Variants in PLPPR1 observed in about 807,000 individuals in gnomAD.
PLPPR1 encodes phospholipid phosphatase-related protein type 1.
A neutral mutation model predicts 33.1 loss-of-function variants in PLPPR1; 10 were observed. The ratio of observed to expected loss-of-function variants is 0.30; its 90% confidence interval spans 0.19 to 0.51. PLPPR1 has a LOEUF of 0.51. Among genes scored for constraint, PLPPR1 ranks in the 20% least tolerant of loss-of-function variants. The pLI is 0.97. For missense variants in PLPPR1, 304 were observed against 408.1 expected (o/e 0.74, Z 2.20); for synonymous variants, 151 against 151.0 (o/e 1.00, Z 0.00).
intron 4 of PLPPR1, among the ~76,000 whole-genome samples, chr9:101,295,825 G>T (rs1170374718): frequency 6.6e-6 from 1 of 151,370 alleles, no homozygotes; most frequent in African/African-American, 2.4e-5. Context: ...AGACTTAAAC[G>T]TTAGACCTAA....
At chr9:101,031,573 GA>G (rs907831662) in intron 1 of PLPPR1, among the ~76,000 whole-genome samples, 1 of 152,052 alleles carries the variant, frequency 6.6e-6, no homozygotes, top group Non-Finnish European at 1.5e-5. Context: ...GGAGGCTGGG[GA>G]AAAAAAGATA....
chr9:101,249,949 G>A (rs143448126), intron 2 of PLPPR1, among the ~76,000 whole-genome samples: 188 of 152,008 alleles, frequency 1.2e-3, no homozygotes, highest in African/African-American at 4.2e-3. Flanking sequence ...CTACATTGTC[G>A]TCCACACCCA....
At chr9:101,194,069 T>C (rs896459293) in intron 2 of PLPPR1, among the ~76,000 whole-genome samples, 1 of 152,238 alleles carries the variant, frequency 6.6e-6, no homozygotes, top group Admixed American at 6.5e-5. Context: ...TCTGGAACTC[T>C]GGATACAGGC....
chr9:101,094,870 C>A (rs908857005), intron 1 of PLPPR1, among the ~76,000 whole-genome samples: 1 of 152,146 alleles, frequency 6.6e-6, no homozygotes, highest in Non-Finnish European at 1.5e-5. Flanking sequence ...CACTAGTGAC[C>A]TCCCATGGGG....
At chr9:101,169,281 T>C (rs1825904896) in intron 1 of PLPPR1, among the ~76,000 whole-genome samples, 2 of 152,310 alleles carry the variant, frequency 1.3e-5, no homozygotes, top group South Asian at 2.1e-4. Flanking sequence ...TTTGATTTTA[T>C]TGAAGGAAAC....
chr9:101,049,007 G>T (rs902044073), intron 1 of PLPPR1, among the ~76,000 whole-genome samples: 3 of 152,310 alleles, frequency 2.0e-5, no homozygotes, highest in Non-Finnish European at 2.9e-5. Flanking sequence ...TTTCACTAGT[G>T]GTTAGAGAAA....
chr9:101,117,389 T>C (rs1375370953), intron 1 of PLPPR1, among the ~76,000 whole-genome samples: 2 of 152,164 alleles, frequency 1.3e-5, no homozygotes, highest in Non-Finnish European at 2.9e-5. Flanking sequence ...ATTAGCATGC[T>C]AAAAGACATT....
chr9:101,309,484 T>C, intron 5 of PLPPR1, 23 bp downstream of exon 5: 1 of 1,607,784 alleles, frequency 6.2e-7, no homozygotes, highest in Non-Finnish European at 8.5e-7. Flanking sequence ...GTCTTGTCTC[T>C]CCTAAGTCCA....
intron 4 of PLPPR1, among the ~76,000 whole-genome samples, chr9:101,290,243 G>T (rs181502005): frequency 6.6e-6 from 1 of 152,204 alleles, no homozygotes; most frequent in Admixed American, 6.5e-5. Context: ...TAGCCCCAAA[G>T]CTACCAAAAT....
chr9:101,212,861 A>G (rs985943411), intron 2 of PLPPR1, among the ~76,000 whole-genome samples: 1 of 152,184 alleles, frequency 6.6e-6, no homozygotes, highest in African/African-American at 2.4e-5. Context: ...CTCACTGGTA[A>G]TAGCTTGTTG....
intron 2 of PLPPR1, among the ~76,000 whole-genome samples, chr9:101,257,730 A>C (rs964619851): frequency 6.6e-6 from 1 of 152,198 alleles, no homozygotes; most frequent in Non-Finnish European, 1.5e-5. Flanking sequence ...AATGAAAAGT[A>C]CAGCATCAAA....
chr9:101,048,945 A>C (rs1252768726), intron 1 of PLPPR1, among the ~76,000 whole-genome samples: 1 of 152,240 alleles, frequency 6.6e-6, no homozygotes, highest in African/African-American at 2.4e-5. Context: ...TAAATAAGAA[A>C]CTTATAAAAG....
At chr9:101,172,787 G>A (rs530049731) in intron 1 of PLPPR1, among the ~76,000 whole-genome samples, 1 of 152,094 alleles carries the variant, frequency 6.6e-6, no homozygotes, top group South Asian at 2.1e-4. Flanking sequence ...CACTTGCCTG[G>A]ATTCCCCTTG....
In PLPPR1 at chr9:101,270,060, A is replaced by C; in HGVS notation, c.244A>C (p.Thr82Pro). 1 of 1,614,090 alleles carries C rather than the reference A, an allele frequency of 6.2e-7. No individual in the cohort carries two copies. The highest frequency in any genetic ancestry group is 8.5e-7 in the Non-Finnish European group (1 of 1,179,974). ...VLYCVLAATP[T>P]AIIFIGEISM... ...CTATTGTGTGCTGGCTGCCACCCCAACTGCTATTGTAAGTACAGAAATAGA... is the reference window on the plus strand; with the variant it reads ...CTATTGTGTGCTGGCTGCCACCCCACCTGCTATTGTAAGTACAGAAATAGA... The change falls in exon 3 of 8, where the codon ACT (threonine) becomes CCT (proline). Residue 82 changes from threonine to proline, a missense_variant. Coordinates refer to ENST00000374874, the MANE Select transcript of PLPPR1 (RefSeq NM_207299.2).
intron 4 of PLPPR1, among the ~76,000 whole-genome samples, chr9:101,303,344 C>T (rs1216988006): frequency 6.6e-6 from 1 of 151,726 alleles, no homozygotes; most frequent in African/African-American, 2.4e-5. Context: ...TCTTGTTGCC[C>T]AGGCTGGAGT....
intron 2 of PLPPR1, chr9:101,187,819 A>G (rs1228255764): frequency 6.6e-6 from 1 of 151,988 alleles, no homozygotes; most frequent in East Asian, 1.9e-4. Flanking sequence ...AAGTTTTGTC[A>G]TATTTGCTTC....
chr9:101,265,435 G>GT lies in PLPPR1; in HGVS notation c.64-4444dup, dbSNP rs5899437. Among the ~76,000 whole-genome samples, 1,476 of 152,258 alleles carry GT rather than the reference G, an allele frequency of 9.7e-3. 18 individuals carry two copies. Among genetic ancestry groups the GT allele is most frequent in the African/African-American group, 0.034 (1,413 of 41,536 alleles). On this transcript the variant is annotated intron_variant, in intron 2 of 7. Transcript: ENST00000374874. ...CAGCATGGCCTCACCATCTGCTCATGTGACACCAACATTATGGCCTCCCTC... is the reference window on the plus strand; with the variant it reads ...CAGCATGGCCTCACCATCTGCTCATGTTGACACCAACATTATGGCCTCCCTC...
intron 4 of PLPPR1, among the ~76,000 whole-genome samples, chr9:101,294,258 G>T (rs1469726622): frequency 6.6e-6 from 1 of 151,860 alleles, no homozygotes; most frequent in Non-Finnish European, 1.5e-5. Context: ...CCAGGAAGAA[G>T]TTGAATCTCT....
At chr9:101,069,139 GA>G (rs11427463) in intron 1 of PLPPR1, among the ~76,000 whole-genome samples, 3 of 149,806 alleles carry the variant, frequency 2.0e-5, no homozygotes, top group Admixed American at 2.0e-4. Flanking sequence ...ATTTGTTTAG[GA>G]AAAAAAAAAG....
Sources: gnomAD v4.1 joint callset for allele counts (sites outside exome capture counted in the v4.1 genomes callset) on GRCh38, gnomAD v4.1.1 for gene constraint, MANE v1.5 for transcripts, NCBI Gene and HGNC (gene_info 2026-07-23, HGNC 2026-07-21) for gene names.